ZSWIM4: variants seen among roughly 807,000 people sequenced by gnomAD.
ZSWIM4 encodes zinc finger SWIM-type containing 4.
A neutral mutation model predicts 102.5 loss-of-function variants in ZSWIM4; 62 were observed. The observed-to-expected ratio is 0.60, with a 90% CI of 0.49 to 0.75. The LOEUF (loss-of-function observed/expected upper bound fraction) is 0.75, where lower values mean the gene tolerates loss of function less well. Ranked by LOEUF, ZSWIM4 falls within the 30% of genes least tolerant of loss-of-function variation. The pLI is 0.00. For synonymous variants in ZSWIM4, 652 were observed against 674.5 expected, an observed-to-expected ratio of 0.97 and a Z score of 0.52; for missense variants, 1,280 against 1,529.6, an observed-to-expected ratio of 0.84 and a Z score of 2.72.
chr19:13,810,966 T>G (rs1455775128), intron 5 of ZSWIM4, among the ~76,000 whole-genome samples: 1 of 142,672 alleles, frequency 7.0e-6, no homozygotes, highest in Admixed American at 7.4e-5. Context: ...CAGGCTGTAG[T>G]GCAGTGGCAC....
intron 7 of ZSWIM4, 49 bp from the exon 8 acceptor site, chr19:13,817,165 TAG>T: frequency 6.4e-7 from 1 of 1,570,066 alleles, no homozygotes; most frequent in South Asian, 1.2e-5. Context: ...CCCTCCCTCC[TAG>T]AGACTTGGGC....
rs928530682 is a variant in ZSWIM4 at position 13,819,366 on chromosome 19, T to G, written c.1934T>G (p.Phe645Cys). ...CAGGCTGTTCCTGCAGGGGGTCCCT[T>G]CAGTGGCTTTGGGGAGGTGCTGTTC... ...QAGLLLEGGP[F>C]SGFGEVLFRE... The change falls in exon 10 of 14, where the codon TTC becomes TGC. Residue 645 changes from phenylalanine (F) to cysteine (C), a missense_variant. Phe to Cys is a radical substitution (Grantham distance 205). Coordinates refer to ENST00000590508, the MANE Select transcript of ZSWIM4 (RefSeq NM_001367834.3). 6.2e-7 allele frequency: 1 copy of G among 1,613,958 alleles called. No individual in the cohort carries two copies.
At chr19:13,811,014 C>G (rs1386708362) in intron 5 of ZSWIM4, among the ~76,000 whole-genome samples, 1 of 145,540 alleles carries the variant, frequency 6.9e-6, no homozygotes, top group Non-Finnish European at 1.5e-5. Context: ...CCCAGGTTCA[C>G]GCTGTTCTCC....
Position 13,830,632 on chromosome 19 carries a change from G to C in ZSWIM4, c.2903G>C (p.Cys968Ser). 1 of 1,600,834 alleles carries C rather than the reference G, an allele frequency of 6.2e-7. No individual in the cohort carries two copies. Among genetic ancestry groups the C allele is most frequent in the Non-Finnish European group, 8.5e-7 (1 of 1,179,782 alleles). ...GCCGTCAACGACGTGCTTTGGGCCT[G>C]CTCTCTCAGCCACTCCCTGGGCCGG... ...HPAVNDVLWA[C>S]SLSHSLGRHE... Residue 968 changes from cysteine to serine, a missense_variant, in exon 14 of 14, where the codon TGC becomes TCC. Transcript: ENST00000590508.
At chr19:13,827,694 T>C (rs558035071) in intron 12 of ZSWIM4, among the ~76,000 whole-genome samples, 1 of 151,246 alleles carries the variant, frequency 6.6e-6, no homozygotes. Context: ...GACAGCCTCC[T>C]GATTGGAGCC....
In ZSWIM4 at chr19:13,807,570, A is replaced by AGATGGATGGATGGATG. The variant is rs56365536; in HGVS notation, c.713-1233_713-1218dup. ...GAATGAGCTCCTGGTGTTTTGGGCAAGATGGATGGATGGATGGATGGATGG... is the reference window on the plus strand; with the variant it reads ...GAATGAGCTCCTGGTGTTTTGGGCAAGATGGATGGATGGATGGATGGATGGATGGATGGATGGATGG... On this transcript the variant is annotated intron_variant, in intron 3 of 13. Coordinates refer to ENST00000590508, the MANE Select transcript of ZSWIM4 (RefSeq NM_001367834.3). 1.4e-3 allele frequency among the ~76,000 whole-genome samples: 204 copies of AGATGGATGGATGGATG among 141,142 alleles called. 1 individual carries two copies. The highest frequency in any genetic ancestry group is 3.5e-3 in the Admixed American group (48 of 13,890). 92.6% of individuals were successfully genotyped at this position (141,142 alleles called of 152,430 possible).
intron 10 of ZSWIM4, among the ~76,000 whole-genome samples, chr19:13,820,383 G>C (rs1975430143): frequency 6.6e-6 from 1 of 151,958 alleles, no homozygotes; most frequent in South Asian, 2.1e-4. Flanking sequence ...CTCCAGGCGT[G>C]CACCACCGCA....
At position 13,830,892 on chromosome 19, in the gene ZSWIM4, C is replaced by A; in HGVS notation, c.3163C>A (p.His1055Asn). The A allele has an allele frequency of 6.2e-7, 1 of 1,614,226 alleles. No individual in the cohort carries two copies. Among genetic ancestry groups the A allele is most frequent in the Non-Finnish European group, 8.5e-7 (1 of 1,180,032 alleles). The part of the protein sequence containing the change: ...HSRLTHISPR[H>N]YGDFIEFLGK... ...GCGCCTCACGCACATCAGCCCGCGG[C>A]ACTATGGGGATTTCATCGAATTCCT... Residue 1055 changes from histidine to asparagine, a missense_variant, in exon 14 of 14, where the codon CAC (histidine) becomes AAC (asparagine). Physicochemically the swap from His to Asn is moderately conservative, Grantham distance 68. Coordinates refer to ENST00000590508, the MANE Select transcript of ZSWIM4 (RefSeq NM_001367834.3).
At position 13,830,754 on chromosome 19, in the gene ZSWIM4, G is replaced by T; in HGVS notation, c.3025G>T (p.Gly1009Cys). The change falls in exon 14 of 14, where the codon GGT becomes TGT. Residue 1009 changes from glycine (G) to cysteine (C), a missense_variant. By Grantham distance (159) the Gly-to-Cys change is radical. Coordinates refer to ENST00000590508, the MANE Select transcript of ZSWIM4 (RefSeq NM_001367834.3). ...ILRRWTLSAP[G>C]LGPLGARRAA... ...GCGCCGCTGGACTCTCTCGGCGCCC[G>T]GTCTGGGCCCCTTAGGGGCACGCCG... 6.2e-7 allele frequency: 1 copy of T among 1,607,230 alleles called. No individual in the cohort carries two copies. Among genetic ancestry groups the T allele is most frequent in the South Asian group, 1.1e-5 (1 of 90,452 alleles).
At chr19:13,816,571 G>A (rs1187335862) in intron 7 of ZSWIM4, among the ~76,000 whole-genome samples, 1 of 152,046 alleles carries the variant, frequency 6.6e-6, no homozygotes, top group South Asian at 2.1e-4. Context: ...TGGAGGTTGT[G>A]GTGAGCTGAG....
Position 13,825,598 on chromosome 19 carries a change from T to TC in ZSWIM4, c.2266dup (p.His756ProfsTer8). The TC allele has an allele frequency of 6.2e-7, 1 of 1,614,174 alleles. No homozygotes were observed. The highest frequency in any genetic ancestry group is 8.5e-7 in the Non-Finnish European group (1 of 1,180,024). On this transcript the variant is annotated frameshift_variant, in exon 12 of 14. Coordinates refer to ENST00000590508, the MANE Select transcript of ZSWIM4 (RefSeq NM_001367834.3). LOFTEE classifies it high-confidence loss of function. This position sits in a 1 kb window ranked among gnomAD's most constrained non-coding sequence, Gnocchi z 4.6. ...GTACTGGGCTCCATCCAGCAGAACA[T>TC]CCACTCTCCGGCCCTGCTCTTTAAG... is the stretch of plus-strand genomic sequence containing the variant.
Position 13,817,903 on chromosome 19 carries a change from C to T in ZSWIM4, c.1851C>T (p.Ala617=). The part of the protein sequence containing the change: ...KVVRNEEQLL[A]LLEEVELDER... ...TGCGCAACGAGGAGCAGCTGCTGGCCCTGCTGGAGGAGGTGGAGTTGGATG... is the reference window on the plus strand; with the variant it reads ...TGCGCAACGAGGAGCAGCTGCTGGCTCTGCTGGAGGAGGTGGAGTTGGATG... Residue 617 remains alanine (A), a synonymous_variant, in exon 9 of 14, where the codon GCC becomes GCT. Coordinates refer to ENST00000590508, the MANE Select transcript of ZSWIM4 (RefSeq NM_001367834.3). 1 of 1,548,720 alleles carries T rather than the reference C, an allele frequency of 6.5e-7. No homozygotes were observed. Among genetic ancestry groups the T allele is most frequent in the Non-Finnish European group, 8.7e-7 (1 of 1,145,738 alleles).
chr19:13,828,029 G>A (rs1975658982), intron 12 of ZSWIM4, among the ~76,000 whole-genome samples: 1 of 152,162 alleles, frequency 6.6e-6, no homozygotes, highest in Admixed American at 6.6e-5. Flanking sequence ...CAACAGCAGT[G>A]ATATTAAGAG....
At chr19:13,799,638 C>T (rs1974701885) in intron 1 of ZSWIM4, 82 bp from the exon 2 acceptor site, 6 of 1,411,962 alleles carry the variant, frequency 4.2e-6, no homozygotes, top group Non-Finnish European at 6.0e-6. Flanking sequence ...CTCTTGGCCT[C>T]AAGCGATCCT....
intron 12 of ZSWIM4, among the ~76,000 whole-genome samples, chr19:13,827,751 G>A (rs1214192694): frequency 6.6e-6 from 1 of 152,146 alleles, no homozygotes; most frequent in Admixed American, 6.6e-5. Context: ...GGCTACTCAA[G>A]AGGTAGGAGC....
In ZSWIM4 at chr19:13,799,764, C is replaced by T; in HGVS notation, c.198C>T (p.Arg66=). 1.2e-6 allele frequency: 2 copies of T among 1,614,112 alleles called. No individual in the cohort carries two copies. The highest frequency in any genetic ancestry group is 1.7e-6 in the Non-Finnish European group (2 of 1,180,024). The part of the protein sequence containing the change: ...FSRVPEPVQK[R]IVFWSFPRSE... ...GGGTGCCTGAGCCCGTCCAGAAGCG[C>T]ATCGTGTTTTGGTCGTTTCCACGCA... Residue 66 remains arginine (R), a synonymous_variant, in exon 2 of 14, where the codon CGC becomes CGT. Transcript: ENST00000590508.
intron 9 of ZSWIM4, among the ~76,000 whole-genome samples, chr19:13,818,744 A>G (rs1280729308): frequency 6.9e-6 from 1 of 145,792 alleles, no homozygotes; most frequent in South Asian, 2.2e-4. Context: ...TTGTATTTTT[A>G]GTAGAGATGG....
intron 5 of ZSWIM4, among the ~76,000 whole-genome samples, chr19:13,810,085 T>C (rs540147775): frequency 1.3e-4 from 19 of 148,058 alleles, no homozygotes; most frequent in Admixed American, 1.1e-3. Context: ...AGCTCCGCCC[T>C]CCGGGTTCAC....
At position 13,819,360 on chromosome 19, in the gene ZSWIM4, G is replaced by A. The variant is rs771688961; in HGVS notation, c.1928G>A (p.Gly643Asp). ...TGAGCTCAGGCTGTTCCTGCAGGGG[G>A]TCCCTTCAGTGGCTTTGGGGAGGTG... ...RKQAGLLLEG[G>D]PFSGFGEVLF... Residue 643 changes from glycine to aspartate, a missense_variant, in exon 10 of 14, where the codon GGT (glycine) becomes GAT (aspartate). By Grantham distance (94) the Gly-to-Asp change is moderately conservative. Coordinates refer to ENST00000590508, the MANE Select transcript of ZSWIM4 (RefSeq NM_001367834.3). 3 of 1,613,834 alleles carry A rather than the reference G, an allele frequency of 1.9e-6. No individual in the cohort carries two copies. Among genetic ancestry groups the A allele is most frequent in the Non-Finnish European group, 1.7e-6 (2 of 1,179,932 alleles).
Sources: gnomAD v4.1 joint callset for allele counts (sites outside exome capture counted in the v4.1 genomes callset) on GRCh38, gnomAD v4.1.1 for gene constraint, Gnocchi (gnomAD v3.1) non-coding constraint, MANE v1.5 for transcripts, NCBI Gene and HGNC (gene_info 2026-07-23, HGNC 2026-07-21) for gene names.